Variants in GALNTL6 observed in about 807,000 individuals in gnomAD.
The protein encoded by GALNTL6 is polypeptide N-acetylgalactosaminyltransferase like 6.
GALNTL6 carries 46 observed loss-of-function variants against 73.7 expected under a neutral mutation model. That is an observed-to-expected ratio of 0.62 (90% CI 0.49 to 0.80). GALNTL6 has a LOEUF of 0.80. Ranked by LOEUF, GALNTL6 falls within the 30% of genes least tolerant of loss-of-function variation. The pLI, the probability that GALNTL6 is intolerant of heterozygous loss-of-function variation, is 0.00. For missense variants in GALNTL6, 604 were observed against 755.0 expected (o/e 0.80, Z 2.34); for synonymous variants, 259 against 263.7 (o/e 0.98, Z 0.17).
At chr4:172,728,739 A>T (rs1735978205) in intron 5 of GALNTL6, among the ~76,000 whole-genome samples, 1 of 152,156 alleles carries the variant, frequency 6.6e-6, no homozygotes, top group Non-Finnish European at 1.5e-5. Flanking sequence ...AGATATATAC[A>T]CCGTAGTAGA....
intron 5 of GALNTL6, among the ~76,000 whole-genome samples, chr4:172,441,393 T>C (rs1731833164): frequency 6.6e-6 from 1 of 152,176 alleles, no homozygotes; most frequent in Non-Finnish European, 1.5e-5. Context: ...TTAAAATTTA[T>C]CTGTAATTTC....
chr4:172,042,573 C>T (rs17057990), intron 2 of GALNTL6, among the ~76,000 whole-genome samples: 7,089 of 151,918 alleles, frequency 0.047, 176 homozygotes, highest in East Asian at 0.077. Context: ...GCATATGGCA[C>T]CCCGTCTATT....
At chr4:171,849,748 T>C (rs1425574285) in intron 2 of GALNTL6, among the ~76,000 whole-genome samples, 1 of 152,210 alleles carries the variant, frequency 6.6e-6, no homozygotes, top group Non-Finnish European at 1.5e-5. Flanking sequence ...AGGAAGAAGG[T>C]GGCCATGCCG....
At chr4:172,432,934 G>A (rs950907651) in intron 5 of GALNTL6, among the ~76,000 whole-genome samples, 3 of 152,092 alleles carry the variant, frequency 2.0e-5, no homozygotes, top group African/African-American at 7.2e-5. Flanking sequence ...TTCTCTAATT[G>A]ATCAAGCCAA....
At chr4:172,593,284 G>A (rs2111005063) in intron 5 of GALNTL6, among the ~76,000 whole-genome samples, 1 of 152,116 alleles carries the variant, frequency 6.6e-6, no homozygotes, top group African/African-American at 2.4e-5. Flanking sequence ...TTCCAAATTT[G>A]TCAGCTCCAT....
chr4:172,716,698 TA>T (rs1422517389), intron 5 of GALNTL6, among the ~76,000 whole-genome samples: 1 of 152,244 alleles, frequency 6.6e-6, no homozygotes, highest in Non-Finnish European at 1.5e-5. Flanking sequence ...GGGCTTTGAC[TA>T]AAGTGTATGC....
intron 7 of GALNTL6, among the ~76,000 whole-genome samples, chr4:172,861,953 A>G (rs1744415527): frequency 6.6e-6 from 1 of 152,198 alleles, no homozygotes; most frequent in Admixed American, 6.5e-5. Flanking sequence ...AATATAGTAA[A>G]TTGGTACCGA....
chr4:172,817,998 G>C (rs1741707880), intron 7 of GALNTL6, among the ~76,000 whole-genome samples: 2 of 152,152 alleles, frequency 1.3e-5, no homozygotes, highest in Admixed American at 1.3e-4. Flanking sequence ...GCCCAAGAGG[G>C]AAAACAACAA....
chr4:172,081,272 G>T (rs984640751), intron 2 of GALNTL6, among the ~76,000 whole-genome samples: 2 of 152,222 alleles, frequency 1.3e-5, no homozygotes, highest in African/African-American at 4.8e-5. Context: ...GCATTTGTTT[G>T]TGCTACTTCC....
At chr4:172,166,714 C>A (rs1734636191) in intron 2 of GALNTL6, among the ~76,000 whole-genome samples, 1 of 152,078 alleles carries the variant, frequency 6.6e-6, no homozygotes, top group Non-Finnish European at 1.5e-5. Context: ...TTTTACAAAC[C>A]AATTGCTTGT....
chr4:171,912,062 T>C (rs1390087735), intron 2 of GALNTL6, among the ~76,000 whole-genome samples: 1 of 152,068 alleles, frequency 6.6e-6, no homozygotes, highest in African/African-American at 2.4e-5. Context: ...AAATACTGAG[T>C]TCAAGCATAT....
intron 2 of GALNTL6, among the ~76,000 whole-genome samples, chr4:172,184,564 T>C (rs559425174): frequency 6.6e-6 from 1 of 152,332 alleles, no homozygotes; most frequent in South Asian, 2.1e-4. Context: ...ATGATCAGTT[T>C]CTGAGCCTTT....
chr4:172,160,602 G>T (rs1365765395), intron 2 of GALNTL6, among the ~76,000 whole-genome samples: 1 of 151,820 alleles, frequency 6.6e-6, no homozygotes. Context: ...TGTTTCATTC[G>T]AAAAAACTAA....
intron 11 of GALNTL6, among the ~76,000 whole-genome samples, chr4:173,016,418 C>T (rs1457983732): frequency 6.6e-6 from 1 of 152,230 alleles, no homozygotes; most frequent in African/African-American, 2.4e-5. Context: ...ACCTGTAAAG[C>T]CACAGGGGCA....
chr4:172,722,625 A>G (rs1288090543), intron 5 of GALNTL6, among the ~76,000 whole-genome samples: 1 of 152,204 alleles, frequency 6.6e-6, no homozygotes, highest in African/African-American at 2.4e-5. Context: ...ATCAGAAAAC[A>G]TATTGAAAAA....
At chr4:172,908,501 C>T (rs187241030) in intron 8 of GALNTL6, among the ~76,000 whole-genome samples, 1 of 151,794 alleles carries the variant, frequency 6.6e-6, no homozygotes, top group African/African-American at 2.4e-5. Context: ...GGGAAATTTT[C>T]TATTAGGTAA....
At chr4:172,084,623 CTTTA>C (rs1377660291) in intron 2 of GALNTL6, among the ~76,000 whole-genome samples, 1 of 152,042 alleles carries the variant, frequency 6.6e-6, no homozygotes, top group Non-Finnish European at 1.5e-5. Flanking sequence ...TTGTTTTTGT[CTTTA>C]TTTTTTATTT....
At chr4:171,882,722 T>C (rs1736484651) in intron 2 of GALNTL6, among the ~76,000 whole-genome samples, 1 of 152,208 alleles carries the variant, frequency 6.6e-6, no homozygotes, top group Non-Finnish European at 1.5e-5. Context: ...CAGCTTCTTC[T>C]GCCTGCTTGA....
At chr4:173,008,417 C>T (rs1752390829) in intron 10 of GALNTL6, among the ~76,000 whole-genome samples, 1 of 152,250 alleles carries the variant, frequency 6.6e-6, no homozygotes, top group Non-Finnish European at 1.5e-5. Flanking sequence ...CAACCAGCTG[C>T]AGTTTGGCTG....
Sources: allele counts gnomAD v4.1 joint callset (sites outside exome capture counted in the v4.1 genomes callset), GRCh38; gene constraint gnomAD v4.1.1; transcripts MANE v1.5; gene names NCBI Gene and HGNC (gene_info 2026-07-23, HGNC 2026-07-21).